CSTPP1: variants seen among roughly 807,000 people sequenced by gnomAD.
CSTPP1 encodes UPF0705 protein C11orf49.
At chr11:46,937,828 C>A in the CSTPP1 span, among the ~76,000 whole-genome samples, 1 of 152,110 alleles carries the variant, frequency 6.6e-6, no homozygotes, top group Non-Finnish European at 1.5e-5. Context: ...TGAGCCACCG[C>A]GCCCGGCCAC....
chr11:47,041,163 A>G, the CSTPP1 span: 2 of 209,696 alleles, frequency 9.5e-6, 1 homozygote, highest in East Asian at 2.3e-4. Context: ...TCTGGTTCAG[A>G]TACTTGGCCT....
the CSTPP1 span, chr11:46,987,126 C>T: frequency 7.3e-7 from 1 of 1,365,242 alleles, no homozygotes; most frequent in Admixed American, 1.7e-5. Flanking sequence ...TTGCCTTACA[C>T]ATGACCTCCT....
chr11:46,998,123 T>TCGCTCA, the CSTPP1 span, among the ~76,000 whole-genome samples: 1 of 152,248 alleles, frequency 6.6e-6, no homozygotes, highest in Non-Finnish European at 1.5e-5. Context: ...GTCTTCTGCG[T>TCGCTCA]CGCTCACGCT....
At chr11:47,123,212 A>G in the CSTPP1 span, 1 of 152,232 alleles carries the variant, frequency 6.6e-6, no homozygotes, top group Non-Finnish European at 1.5e-5. Context: ...AACACTGGCC[A>G]GGCAGGTCAT....
At chr11:47,087,717 A>ATG in the CSTPP1 span, among the ~76,000 whole-genome samples, 2,358 of 150,190 alleles carry the variant, frequency 0.016, 33 homozygotes, top group Middle Eastern at 0.042. Context: ...TGTCAAATGT[A>ATG]TGTGTGTGTG....
the CSTPP1 span, among the ~76,000 whole-genome samples, chr11:47,098,554 G>A: frequency 6.6e-6 from 1 of 150,768 alleles, no homozygotes; most frequent in East Asian, 2.0e-4. Context: ...TGCCCAGGGT[G>A]GAGTGCAGTG....
chr11:47,070,764 AC>A, the CSTPP1 span, among the ~76,000 whole-genome samples: 91 of 152,294 alleles, frequency 6.0e-4, no homozygotes, highest in African/African-American at 2.1e-3. Flanking sequence ...TCTCTGAAGC[AC>A]AGCCCTGGTC....
the CSTPP1 span, among the ~76,000 whole-genome samples, chr11:47,158,562 A>G: frequency 6.6e-6 from 1 of 152,250 alleles, no homozygotes; most frequent in Middle Eastern, 3.4e-3. Context: ...TTTGGGACAG[A>G]GTCTCGCTCT....
At chr11:47,105,041 AG>A in the CSTPP1 span, among the ~76,000 whole-genome samples, 29 of 152,382 alleles carry the variant, frequency 1.9e-4, no homozygotes, top group East Asian at 3.7e-3. Context: ...CCCTTCCATC[AG>A]TTACCCCAGA....
the CSTPP1 span, among the ~76,000 whole-genome samples, chr11:47,136,126 T>A: frequency 0.33 from 50,430 of 152,048 alleles, 8,899 homozygotes; most frequent in East Asian, 0.71. Context: ...TCCACCAAAG[T>A]TTAGCCTAGA....
chr11:47,026,279 C>T, the CSTPP1 span, among the ~76,000 whole-genome samples: 2 of 152,116 alleles, frequency 1.3e-5, no homozygotes, highest in African/African-American at 4.8e-5. Context: ...GGGGATATTT[C>T]CCCAGAGAAA....
At chr11:46,979,528 T>C in the CSTPP1 span, among the ~76,000 whole-genome samples, 1 of 152,222 alleles carries the variant, frequency 6.6e-6, no homozygotes, top group African/African-American at 2.4e-5. Context: ...TGTGGGAAAC[T>C]TAAGTGCTAC....
the CSTPP1 span, among the ~76,000 whole-genome samples, chr11:47,150,231 C>T: frequency 6.6e-6 from 1 of 152,106 alleles, no homozygotes; most frequent in Non-Finnish European, 1.5e-5. Context: ...GTAACCTTCG[C>T]CAAGTTTCTT....
the CSTPP1 span, among the ~76,000 whole-genome samples, chr11:47,139,776 C>T: frequency 1.2e-4 from 18 of 152,132 alleles, no homozygotes; most frequent in African/African-American, 4.3e-4. Flanking sequence ...AGACGGGTGA[C>T]AATGTTGTGC....
chr11:46,937,132 G>A, the CSTPP1 span, among the ~76,000 whole-genome samples: 2 of 152,218 alleles, frequency 1.3e-5, no homozygotes, highest in Non-Finnish European at 2.9e-5. Flanking sequence ...CCCTGTTGGG[G>A]TATTATTGAT....
At chr11:47,112,965 A>G in the CSTPP1 span, among the ~76,000 whole-genome samples, 3 of 151,964 alleles carry the variant, frequency 2.0e-5, no homozygotes, top group Non-Finnish European at 4.4e-5. Context: ...ACATTAGGCA[A>G]ATCTCCTAAT....
the CSTPP1 span, among the ~76,000 whole-genome samples, chr11:47,129,256 G>A: frequency 2.0e-5 from 3 of 152,194 alleles, no homozygotes; most frequent in Admixed American, 1.3e-4. Flanking sequence ...GCACGTGAGT[G>A]GTGGTGCAAA....
At chr11:46,965,367 G>A in the CSTPP1 span, among the ~76,000 whole-genome samples, 105 of 151,774 alleles carry the variant, frequency 6.9e-4, 1 homozygote, top group African/African-American at 2.4e-3. Flanking sequence ...TGGGATTACA[G>A]GCATGCACCA....
At chr11:46,987,271 A>G in the CSTPP1 span, 4 of 1,614,204 alleles carry the variant, frequency 2.5e-6, no homozygotes, top group South Asian at 4.4e-5. Context: ...AACAGGGAAG[A>G]TATTAGCCAA....
Sources: gnomAD v4.1 joint callset for allele counts (sites outside exome capture counted in the v4.1 genomes callset) on GRCh38, gnomAD v4.1.1 for gene constraint, MANE v1.5 for transcripts, NCBI Gene and HGNC (gene_info 2026-07-23, HGNC 2026-07-21) for gene names.